Variants in RFLNA observed in about 807,000 individuals in gnomAD.
The protein encoded by RFLNA is refilin-A.
In RFLNA, 5 loss-of-function variants were observed where a neutral mutation model predicts 7.8. The ratio of observed to expected loss-of-function variants is 0.64; its 90% CI spans 0.34 to 1.35. RFLNA has a LOEUF of 1.35. Among genes scored for constraint, RFLNA ranks in the 40% most tolerant of loss-of-function variants. The probability of loss-of-function intolerance (pLI) is 0.04; values close to 1 mark genes in which losing one functional copy is unlikely to be tolerated. For synonymous variants in RFLNA, 141 were observed against 131.3 expected (o/e 1.07, Z -0.50); for missense variants, 278 against 305.5 (o/e 0.91, Z 0.67).
In RFLNA at chr12:124,306,083, G is replaced by A. The variant is rs2034132137; in HGVS notation, c.208-5735G>A. Among the ~76,000 whole-genome samples the A allele has an allele frequency of 3.9e-5, 6 of 152,280 alleles. No homozygotes were observed. In the South Asian group the frequency reaches 1.2e-3, roughly 32 times the overall value. On this transcript the variant is annotated intron_variant, in intron 1 of 2. Transcript: ENST00000546355. This position sits in a 1 kb window ranked among gnomAD's most constrained non-coding sequence, Gnocchi z 5.2. ...TGCTGCCAAACTTGAGGACAGGTAT[G>A]GGCCCATACTCGGGGCTCTCTGGGT... is the stretch of plus-strand genomic sequence containing the variant.
At chr12:124,290,646 G>A (rs924946731), upstream of RFLNA, among the ~76,000 whole-genome samples, 2 of 152,202 alleles carry the variant, frequency 1.3e-5, no homozygotes, top group Admixed American at 1.3e-4. This position sits in a 1 kb window ranked among gnomAD's most constrained non-coding sequence, Gnocchi z 4.0. Flanking sequence ...GTGTCTAAAT[G>A]TATTGATTAT....
At chr12:124,312,682 A>C (rs1255196810) in intron 2 of RFLNA, among the ~76,000 whole-genome samples, 1 of 152,182 alleles carries the variant, frequency 6.6e-6, no homozygotes, top group Non-Finnish European at 1.5e-5. Context: ...TCTGTTGTCC[A>C]AGCATTAGGG....
rs371945516 is a variant in RFLNA, at chr12:124,298,845, C to T, written c.207+3209C>T. Among the ~76,000 whole-genome samples, 92 of 152,292 alleles carry T rather than the reference C, an allele frequency of 6.0e-4. 4 individuals are homozygous for T. The South Asian group carries it at 0.018, about 30-fold the overall frequency. On this transcript the variant is annotated intron_variant, in intron 1 of 2. Coordinates refer to ENST00000546355, the MANE Select transcript of RFLNA (RefSeq NM_001365156.1). ...TTCTAGGGCTGAGATGTGCTCAGTC[C>T]GAGACAATGGCATGTGCAAAGGTCC...
chr12:124,313,657 T>G (rs577644935), intron 2 of RFLNA, among the ~76,000 whole-genome samples: 1 of 146,958 alleles, frequency 6.8e-6, no homozygotes, highest in Non-Finnish European at 1.5e-5. Flanking sequence ...CCAGCCTGGG[T>G]GACAGAGCGA....
At chr12:124,306,000 G>T (rs2034130691) in intron 1 of RFLNA, among the ~76,000 whole-genome samples, 1 of 152,180 alleles carries the variant, frequency 6.6e-6, no homozygotes, top group South Asian at 2.1e-4. Flanking sequence ...CTCAGCCCTT[G>T]TTCTGGGGTG....
At chr12:124,310,516 G>A (rs11272025) in intron 1 of RFLNA, among the ~76,000 whole-genome samples, 21 of 15,060 alleles carry the variant, frequency 1.4e-3, no homozygotes, top group South Asian at 4.6e-3. Context: ...GGACTGCAGG[G>A]AGGGGGAGGT....
At chr12:124,301,338 G>A (rs1019822849) in intron 1 of RFLNA, among the ~76,000 whole-genome samples, 4 of 152,240 alleles carry the variant, frequency 2.6e-5, no homozygotes, top group African/African-American at 9.6e-5. Context: ...CAGCTTTAGT[G>A]TGAAAAGAAG....
At position 124,289,851 on chromosome 12, in the gene RFLNA, C is replaced by T. The variant is rs2033790991; in HGVS notation, c.-37+481C>T. Among the ~76,000 whole-genome samples, 1 of 152,156 alleles carries T rather than the reference C, an allele frequency of 6.6e-6. No homozygotes were observed. The highest frequency in any genetic ancestry group is 6.5e-5 in the Admixed American group (1 of 15,284). ...GACTCCCCGGGGCAGGGAGGCATCCCTGGGCCAGGCACTAGGACCTGGCCT... is the reference window on the plus strand; with the variant it reads ...GACTCCCCGGGGCAGGGAGGCATCCTTGGGCCAGGCACTAGGACCTGGCCT... On this transcript the variant is annotated intron_variant, in intron 1 of 2. Transcript: ENST00000324038. This position sits in a 1 kb window ranked among gnomAD's most constrained non-coding sequence, Gnocchi z 5.0.
At chr12:124,302,037 G>T (rs1039461719) in intron 1 of RFLNA, among the ~76,000 whole-genome samples, 5 of 152,186 alleles carry the variant, frequency 3.3e-5, no homozygotes, top group Non-Finnish European at 4.4e-5. Flanking sequence ...GCCAGTCTCT[G>T]CCTCTGTCTT....
At chr12:124,293,573 C>A (rs2033855810), upstream of RFLNA, among the ~76,000 whole-genome samples, 1 of 152,170 alleles carries the variant, frequency 6.6e-6, no homozygotes, top group Non-Finnish European at 1.5e-5. Context: ...AGAATTGAAG[C>A]AAATGGAATC....
upstream of RFLNA, among the ~76,000 whole-genome samples, chr12:124,293,254 C>T (rs1207174252): frequency 6.6e-6 from 1 of 152,158 alleles, no homozygotes; most frequent in Non-Finnish European, 1.5e-5. Context: ...CAAATAAAGA[C>T]AGAGGAACCC....
chr12:124,303,996 T>G lies in RFLNA; in HGVS notation c.208-7822T>G, dbSNP rs555567037. ...CCTGCCTTGCCAGCCCCCGTGGGAC[T>G]GTGTGTGACCCAGTCTTCGGCAGTA... On this transcript the variant is annotated intron_variant, in intron 1 of 2. Coordinates refer to ENST00000546355, the MANE Select transcript of RFLNA (RefSeq NM_001365156.1). 2.6e-5 allele frequency among the ~76,000 whole-genome samples: 4 copies of G among 152,332 alleles called. No homozygotes were observed. In the South Asian group the frequency reaches 8.3e-4, roughly 32 times the overall value.
chr12:124,313,257 C>G (rs1235742755), intron 2 of RFLNA, among the ~76,000 whole-genome samples: 1 of 152,150 alleles, frequency 6.6e-6, no homozygotes, highest in Non-Finnish European at 1.5e-5. Context: ...GGATTCTCTC[C>G]TTCCCAGAGC....
intron 1 of RFLNA, among the ~76,000 whole-genome samples, chr12:124,296,412 G>C (rs990548718): frequency 6.6e-6 from 1 of 151,452 alleles, no homozygotes; most frequent in Non-Finnish European, 1.5e-5. Flanking sequence ...CCCGGCAGGC[G>C]GGGAAGCATA....
intron 2 of RFLNA, among the ~76,000 whole-genome samples, chr12:124,313,890 A>G (rs1447561814): frequency 6.6e-6 from 1 of 152,066 alleles, no homozygotes; most frequent in Non-Finnish European, 1.5e-5. Flanking sequence ...CCTAACCCAC[A>G]CGACACGGCT....
chr12:124,293,335 T>C (rs2033851944), upstream of RFLNA, among the ~76,000 whole-genome samples: 1 of 152,178 alleles, frequency 6.6e-6, no homozygotes, highest in East Asian at 1.9e-4. Flanking sequence ...AAGGGGTCAT[T>C]AGTCCCTGAG....
Position 124,295,391 on chromosome 12 carries a change from C to G in RFLNA, c.-39C>G, listed in dbSNP as rs1309056130. On this transcript the variant is annotated 5_prime_UTR_variant, in exon 1 of 3. Coordinates refer to ENST00000546355, the MANE Select transcript of RFLNA (RefSeq NM_001365156.1). The stretch of plus-strand genomic sequence containing the variant: ...GCCCCGGAGCGCGGTGGAGAAGCCC[C>G]CGGAGGAGCGGGGGGCCCGCGCCCC... The G allele has an allele frequency of 1.0e-5, 12 of 1,179,172 alleles. No homozygotes were observed. Among genetic ancestry groups the G allele is most frequent in the Non-Finnish European group, 1.3e-5 (12 of 941,856 alleles). The allele number at this position is 1,179,172 out of a possible 1,614,324, so 73.0% of individuals were successfully genotyped here.
chr12:124,313,454 G>A (rs1436346082), intron 2 of RFLNA, among the ~76,000 whole-genome samples: 2 of 152,264 alleles, frequency 1.3e-5, no homozygotes, highest in Non-Finnish European at 2.9e-5. Flanking sequence ...CGAGGCGGGC[G>A]GATCACGAGG....
At chr12:124,291,930 C>T (rs1241018048), upstream of RFLNA, among the ~76,000 whole-genome samples, 5 of 152,160 alleles carry the variant, frequency 3.3e-5, no homozygotes, top group African/African-American at 4.8e-5. Context: ...GAAGGTCTTC[C>T]TTCCCAGGGG....
Sources: gnomAD v4.1 joint callset for allele counts (sites outside exome capture counted in the v4.1 genomes callset) on GRCh38, gnomAD v4.1.1 for gene constraint, Gnocchi (gnomAD v3.1) non-coding constraint, MANE v1.5 for transcripts, NCBI Gene and HGNC (gene_info 2026-07-23, HGNC 2026-07-21) for gene names.